GRID1: variants seen among roughly 807,000 people sequenced by gnomAD.
GRID1 encodes the protein glutamate ionotropic receptor delta type subunit 1, also known as glutamate receptor ionotropic, delta-1.
In GRID1, 28 loss-of-function variants were observed where a neutral mutation model predicts 98.0. The ratio of observed to expected loss-of-function variants is 0.29; its 90% CI spans 0.21 to 0.39. The LOEUF (loss-of-function observed/expected upper bound fraction) is 0.39. Ranked by LOEUF, GRID1 falls within the 10% of genes least tolerant of loss-of-function variation. The pLI, the probability that GRID1 is intolerant of heterozygous loss-of-function variation, is 1.00. For synonymous variants in GRID1, 553 were observed against 538.5 expected (o/e 1.03, Z -0.37); for missense variants, 1,111 against 1,340.5 (o/e 0.83, Z 2.67).
chr10:85,794,890 C>T (rs979221538), intron 8 of GRID1, among the ~76,000 whole-genome samples: 6 of 152,182 alleles, frequency 3.9e-5, no homozygotes, highest in African/African-American at 1.2e-4. Context: ...GCCTGAAAGA[C>T]ACAGCAAATT....
chr10:85,706,897 C>G (rs1841526129), intron 12 of GRID1, among the ~76,000 whole-genome samples: 1 of 152,196 alleles, frequency 6.6e-6, no homozygotes, highest in Non-Finnish European at 1.5e-5. Flanking sequence ...GCTGGGAAAA[C>G]TGGCTAGCCA....
At chr10:86,274,964 G>A (rs1303974903) in intron 2 of GRID1, among the ~76,000 whole-genome samples, 3 of 152,186 alleles carry the variant, frequency 2.0e-5, no homozygotes, top group Non-Finnish European at 4.4e-5. Flanking sequence ...TAGGAGTGGT[G>A]AGAGAGGGCA....
intron 2 of GRID1, among the ~76,000 whole-genome samples, chr10:86,351,814 T>C (rs1848466281): frequency 6.6e-6 from 1 of 152,238 alleles, no homozygotes. Context: ...ACAATAACTG[T>C]AGCTGTTCTT....
chr10:85,659,673 C>T (rs762484920), intron 12 of GRID1, among the ~76,000 whole-genome samples: 9 of 152,128 alleles, frequency 5.9e-5, no homozygotes, highest in Non-Finnish European at 8.8e-5. Context: ...ATCACATTAG[C>T]AAGGATATAG....
chr10:85,759,697 C>A (rs1345741410), intron 8 of GRID1, among the ~76,000 whole-genome samples: 1 of 152,202 alleles, frequency 6.6e-6, no homozygotes, highest in Non-Finnish European at 1.5e-5. Flanking sequence ...AGCATGAATA[C>A]TGATCTGCAT....
At chr10:85,880,934 A>G (rs1256958826) in intron 5 of GRID1, among the ~76,000 whole-genome samples, 2 of 152,224 alleles carry the variant, frequency 1.3e-5, no homozygotes, top group African/African-American at 2.4e-5. Flanking sequence ...GTCTCAGGAT[A>G]CAAAATCAAT....
At chr10:85,876,400 A>C (rs2131798886) in intron 5 of GRID1, among the ~76,000 whole-genome samples, 1 of 149,846 alleles carries the variant, frequency 6.7e-6, no homozygotes, top group African/African-American at 2.5e-5. Context: ...ATACAGTCAA[A>C]CCTCCCTTTG....
intron 2 of GRID1, among the ~76,000 whole-genome samples, chr10:86,362,032 C>T (rs1848606736): frequency 6.6e-6 from 1 of 152,216 alleles, no homozygotes. Flanking sequence ...GGATACTCAA[C>T]ACTGCAGAGG....
intron 8 of GRID1, among the ~76,000 whole-genome samples, chr10:85,820,079 T>C (rs12766948): frequency 0.22 from 17,017 of 77,748 alleles, 2,508 homozygotes; most frequent in African/African-American, 0.45. Context: ...GGAAGGCAGG[T>C]AGGCAGGCAG....
At chr10:85,974,482 T>A (rs1051618337) in intron 4 of GRID1, among the ~76,000 whole-genome samples, 1 of 152,204 alleles carries the variant, frequency 6.6e-6, no homozygotes, top group East Asian at 1.9e-4. Flanking sequence ...GCCATTGACC[T>A]TTTGAATCTA....
chr10:85,737,667 TATATATAAAC>T (rs1175672149), intron 8 of GRID1, among the ~76,000 whole-genome samples: 2 of 133,524 alleles, frequency 1.5e-5, no homozygotes, highest in Non-Finnish European at 3.2e-5. Flanking sequence ...TATATATATA[TATATATAAAC>T]ATATATGGTT....
chr10:86,348,327 C>T (rs989817046), intron 2 of GRID1, among the ~76,000 whole-genome samples: 5 of 152,226 alleles, frequency 3.3e-5, no homozygotes, highest in African/African-American at 1.2e-4. Flanking sequence ...AATGGCATGA[C>T]AGCAATGAGG....
chr10:85,825,876 T>C (rs1184731054), intron 8 of GRID1, among the ~76,000 whole-genome samples: 1 of 152,106 alleles, frequency 6.6e-6, no homozygotes, highest in Non-Finnish European at 1.5e-5. Context: ...CAAATATATA[T>C]AAATTTAAGT....
chr10:86,138,353 A>T (rs1844959558), intron 4 of GRID1, among the ~76,000 whole-genome samples: 1 of 152,232 alleles, frequency 6.6e-6, no homozygotes, highest in African/African-American at 2.4e-5. Flanking sequence ...AGTGCCAAAA[A>T]AATAAGAACA....
rs1843202437 is a variant in GRID1, at chr10:85,647,048, A to G, written c.2193+154T>C. ...TAAGAAGCAGAGCAGCTGCTTCTGA[A>G]AGGGCATCCACCTAAAGAACGTGTG... On this transcript the variant is annotated intron_variant, in intron 13 of 15. Transcript: ENST00000327946. 3 of 678,584 alleles carry G rather than the reference A, an allele frequency of 4.4e-6. No homozygotes were observed. In the South Asian group the frequency reaches 5.1e-5, roughly 12 times the overall value. 42.0% of individuals were successfully genotyped at this position (678,584 alleles called of 1,614,324 possible).
intron 4 of GRID1, among the ~76,000 whole-genome samples, chr10:86,110,042 G>A (rs1349112202): frequency 6.8e-6 from 1 of 148,004 alleles, no homozygotes; most frequent in Non-Finnish European, 1.5e-5. Flanking sequence ...GAGTGATCTT[G>A]GCTCACTGCA....
chr10:86,263,058 A>T (rs952777648), intron 2 of GRID1, among the ~76,000 whole-genome samples: 1 of 152,020 alleles, frequency 6.6e-6, no homozygotes, highest in Admixed American at 6.6e-5. Flanking sequence ...CATTTCCAAC[A>T]ATTTAATGCT....
chr10:85,663,182 C>A (rs1840984904), intron 12 of GRID1, among the ~76,000 whole-genome samples: 1 of 152,176 alleles, frequency 6.6e-6, no homozygotes, highest in Admixed American at 6.5e-5. Flanking sequence ...AATTTGATCT[C>A]ACTTGGGGAG....
intron 12 of GRID1, among the ~76,000 whole-genome samples, chr10:85,712,459 G>A (rs988978815): frequency 7.2e-5 from 11 of 151,756 alleles, no homozygotes; most frequent in African/African-American, 2.4e-4. Context: ...GGGAGAAATA[G>A]CGATACAAGA....
Sources: gnomAD v4.1 joint callset for allele counts (sites outside exome capture counted in the v4.1 genomes callset) on GRCh38, gnomAD v4.1.1 for gene constraint, MANE v1.5 for transcripts, NCBI Gene and HGNC (gene_info 2026-07-23, HGNC 2026-07-21) for gene names.